ARHGAP15: variants seen among roughly 807,000 people sequenced by gnomAD.
The protein encoded by ARHGAP15 is Rho GTPase activating protein 15, also known as rho GTPase-activating protein 15.
In ARHGAP15, 51 loss-of-function variants were observed where a neutral mutation model predicts 63.7. The observed-to-expected ratio is 0.80, with a 90% CI of 0.64 to 1.01. The LOEUF (loss-of-function observed/expected upper bound fraction) is 1.01. ARHGAP15 is among the 50% of genes least tolerant of loss of function. ARHGAP15 has a pLI of 0.00. For synonymous variants in ARHGAP15, 191 were observed against 193.8 expected, an observed-to-expected ratio of 0.99 and a Z score of 0.12; for missense variants, 560 against 564.6, an observed-to-expected ratio of 0.99 and a Z score of 0.08.
At position 143,560,546 on chromosome 2, in the gene ARHGAP15, C is replaced by G. The variant is rs934360103; in HGVS notation, c.1003+4061C>G. Among the ~76,000 whole-genome samples, 7 of 152,354 alleles carry G rather than the reference C, an allele frequency of 4.6e-5. No homozygotes were observed. In the East Asian group the frequency reaches 1.4e-3, roughly 29 times the overall value. On this transcript the variant is annotated intron_variant, in intron 11 of 13. Transcript: ENST00000295095. ...AAACCACTGCCATTATTCTGCATTT[C>G]CAATTCATCAGCTGTTGATTATCTC...
At chr2:143,330,029 T>C (rs1398244287) in intron 6 of ARHGAP15, among the ~76,000 whole-genome samples, 2 of 131,170 alleles carry the variant, frequency 1.5e-5, no homozygotes, top group Non-Finnish European at 3.1e-5. Flanking sequence ...GAGGCAGAGG[T>C]TGCAGTGAGC....
intron 6 of ARHGAP15, among the ~76,000 whole-genome samples, chr2:143,301,312 C>T (rs1211053418): frequency 6.6e-6 from 1 of 151,922 alleles, no homozygotes; most frequent in African/African-American, 2.4e-5. Context: ...GTTTATTACA[C>T]TTCAGGAACA....
intron 8 of ARHGAP15, among the ~76,000 whole-genome samples, chr2:143,446,772 TC>T (rs1308150505): frequency 9.7e-6 from 1 of 103,106 alleles, no homozygotes; most frequent in Non-Finnish European, 1.9e-5. Flanking sequence ...ATGCTATCCC[TC>T]CCCCCTCCCC....
chr2:143,213,860 T>C (rs982592518), intron 3 of ARHGAP15, among the ~76,000 whole-genome samples: 18 of 152,242 alleles, frequency 1.2e-4, no homozygotes, highest in African/African-American at 4.1e-4. Context: ...CAGCCACTGA[T>C]GACAATGATG....
intron 5 of ARHGAP15, among the ~76,000 whole-genome samples, chr2:143,234,327 T>A (rs890021905): frequency 6.6e-6 from 1 of 152,204 alleles, no homozygotes; most frequent in Non-Finnish European, 1.5e-5. Flanking sequence ...TTTGTGTCAG[T>A]ATGTTTCTGC....
intron 9 of ARHGAP15, among the ~76,000 whole-genome samples, chr2:143,509,890 G>T (rs539896709): frequency 5.3e-5 from 8 of 151,808 alleles, no homozygotes; most frequent in African/African-American, 1.4e-4. Context: ...GTGTGCTGGC[G>T]CATGCCTGTA....
At chr2:143,738,679 C>T (rs1403844003) in intron 13 of ARHGAP15, among the ~76,000 whole-genome samples, 1 of 152,192 alleles carries the variant, frequency 6.6e-6, no homozygotes, top group Non-Finnish European at 1.5e-5. Context: ...GCAAAAGCAT[C>T]ATTTTTACTT....
At chr2:143,208,544 G>A (rs1178442116) in intron 3 of ARHGAP15, among the ~76,000 whole-genome samples, 2 of 152,154 alleles carry the variant, frequency 1.3e-5, no homozygotes, top group Admixed American at 6.6e-5. Context: ...ACTGACAGAT[G>A]ATGTTATTTA....
chr2:143,292,130 C>A (rs750607178), intron 6 of ARHGAP15, among the ~76,000 whole-genome samples: 1 of 151,914 alleles, frequency 6.6e-6, no homozygotes, highest in Non-Finnish European at 1.5e-5. Flanking sequence ...TAAGCACATC[C>A]TATTCTTATT....
chr2:143,299,185 C>T (rs1682784115), intron 6 of ARHGAP15, among the ~76,000 whole-genome samples: 1 of 151,866 alleles, frequency 6.6e-6, no homozygotes, highest in South Asian at 2.1e-4. Context: ...TTTTATTCAA[C>T]TTATCCATTA....
At chr2:143,717,276 C>G (rs1684850427) in intron 13 of ARHGAP15, among the ~76,000 whole-genome samples, 1 of 152,248 alleles carries the variant, frequency 6.6e-6, no homozygotes, top group African/African-American at 2.4e-5. Context: ...GCTGTTGTCT[C>G]TCGGTCTGTC....
intron 6 of ARHGAP15, among the ~76,000 whole-genome samples, chr2:143,339,285 C>T (rs1004188967): frequency 6.6e-6 from 1 of 152,024 alleles, no homozygotes; most frequent in African/African-American, 2.4e-5. Flanking sequence ...TTGGGCAAGT[C>T]TCTTTTCTCT....
chr2:143,736,786 T>G (rs1221959643), intron 13 of ARHGAP15, among the ~76,000 whole-genome samples: 1 of 152,206 alleles, frequency 6.6e-6, no homozygotes, highest in Non-Finnish European at 1.5e-5. Context: ...GAAGCTATTG[T>G]CATATGAAAT....
chr2:143,171,899 T>C (rs969081296), intron 2 of ARHGAP15: 2 of 152,182 alleles, frequency 1.3e-5, no homozygotes, highest in African/African-American at 4.8e-5. Context: ...GAGCAGTTGC[T>C]GTGCTTGGCT....
At chr2:143,396,219 G>T (rs537132970) in intron 6 of ARHGAP15, among the ~76,000 whole-genome samples, 1 of 151,874 alleles carries the variant, frequency 6.6e-6, no homozygotes, top group Admixed American at 6.6e-5. Context: ...ATTTTATTCC[G>T]CTGTGTTTGG....
chr2:143,581,841 G>C (rs10187634), intron 11 of ARHGAP15, among the ~76,000 whole-genome samples: 43,410 of 152,030 alleles, frequency 0.29, 6,995 homozygotes, highest in African/African-American at 0.44. Flanking sequence ...AAAGACAATT[G>C]CTTAAAATTT....
chr2:143,556,927 A>C (rs972629321), intron 11 of ARHGAP15, among the ~76,000 whole-genome samples: 4 of 152,092 alleles, frequency 2.6e-5, no homozygotes, highest in African/African-American at 9.6e-5. Flanking sequence ...TATGCCATCA[A>C]AGAGTTGTAA....
At chr2:143,469,931 C>T (rs1691434178) in intron 8 of ARHGAP15, among the ~76,000 whole-genome samples, 2 of 152,032 alleles carry the variant, frequency 1.3e-5, no homozygotes, top group African/African-American at 4.8e-5. Context: ...TTCCAAGAAC[C>T]TCAATCTGAC....
At chr2:143,747,759 C>G (rs1686225430) in intron 13 of ARHGAP15, among the ~76,000 whole-genome samples, 1 of 152,330 alleles carries the variant, frequency 6.6e-6, no homozygotes, top group African/African-American at 2.4e-5. Flanking sequence ...GGATATACCA[C>G]AGCTGTTTAT....
Sources: allele counts gnomAD v4.1 joint callset (sites outside exome capture counted in the v4.1 genomes callset), GRCh38; gene constraint gnomAD v4.1.1; transcripts MANE v1.5; gene names NCBI Gene and HGNC (gene_info 2026-07-23, HGNC 2026-07-21).